Variants in CDH18 observed in about 807,000 individuals in gnomAD.
CDH18 encodes the protein cadherin-18.
CDH18 carries 31 observed loss-of-function variants against 67.9 expected under a neutral mutation model. The observed-to-expected ratio is 0.46, with a 90% CI of 0.34 to 0.62. The LOEUF (loss-of-function observed/expected upper bound fraction) is 0.62, where lower values mean the gene tolerates loss of function less well. Among genes scored for constraint, CDH18 ranks in the 20% least tolerant of loss-of-function variants. The pLI, the probability that CDH18 is intolerant of heterozygous loss-of-function variation, is 0.01. For missense variants in CDH18, 890 were observed against 975.5 expected (o/e 0.91, Z 1.17); for synonymous variants, 362 against 347.2 (o/e 1.04, Z -0.48).
intron 2 of CDH18, among the ~76,000 whole-genome samples, chr5:19,897,648 T>A (rs1440184327): frequency 6.6e-6 from 1 of 151,992 alleles, no homozygotes; most frequent in Non-Finnish European, 1.5e-5. Context: ...TTTACAATAA[T>A]CCTAAACTGA....
intron 1 of CDH18, among the ~76,000 whole-genome samples, chr5:20,512,667 T>A (rs899891056): frequency 1.3e-5 from 2 of 152,050 alleles, no homozygotes; most frequent in African/African-American, 4.8e-5. Context: ...GCAGATCACT[T>A]GAGGTTAGGA....
chr5:20,105,916 AT>A (rs796718785), intron 2 of CDH18, among the ~76,000 whole-genome samples: 226 of 151,522 alleles, frequency 1.5e-3, no homozygotes, highest in African/African-American at 5.0e-3. Context: ...GGCATTTTTA[AT>A]TTTTTTTTCC....
At chr5:20,561,232 A>G (rs1758190510) in intron 1 of CDH18, among the ~76,000 whole-genome samples, 1 of 152,114 alleles carries the variant, frequency 6.6e-6, no homozygotes, top group Non-Finnish European at 1.5e-5. Flanking sequence ...CTTACCTTGC[A>G]ATCTAGAGTC....
intron 2 of CDH18, among the ~76,000 whole-genome samples, chr5:19,886,584 GTA>G (rs1276114347): frequency 6.6e-6 from 1 of 152,094 alleles, no homozygotes; most frequent in African/African-American, 2.4e-5. Flanking sequence ...TCTCTTTTGA[GTA>G]TGTGTGTTAC....
intron 1 of CDH18, among the ~76,000 whole-genome samples, chr5:20,262,560 C>G (rs1487993094): frequency 6.6e-6 from 1 of 152,014 alleles, no homozygotes; most frequent in Non-Finnish European, 1.5e-5. Context: ...CACCTAGCCC[C>G]ATGGGGATCC....
At chr5:20,165,820 A>C (rs1176323574) in intron 2 of CDH18, among the ~76,000 whole-genome samples, 1 of 152,210 alleles carries the variant, frequency 6.6e-6, no homozygotes, top group Non-Finnish European at 1.5e-5. Context: ...TCACATAAAC[A>C]GTTGCAGTAC....
chr5:20,405,168 G>A (rs930833314), intron 1 of CDH18, among the ~76,000 whole-genome samples: 10 of 152,050 alleles, frequency 6.6e-5, no homozygotes, highest in South Asian at 2.1e-4. Flanking sequence ...GAGGCATCAC[G>A]CTACCCCACT....
intron 1 of CDH18, among the ~76,000 whole-genome samples, chr5:20,437,947 A>G (rs997777609): frequency 2.0e-5 from 3 of 151,376 alleles, no homozygotes; most frequent in Non-Finnish European, 1.5e-5. Flanking sequence ...TAAAAATTTA[A>G]AAGATGGTAG....
chr5:19,955,244 C>T (rs2150279953), intron 2 of CDH18, among the ~76,000 whole-genome samples: 1 of 152,088 alleles, frequency 6.6e-6, no homozygotes, highest in African/African-American at 2.4e-5. Context: ...CATAAATTAC[C>T]CAGTCTCGTG....
intron 2 of CDH18, among the ~76,000 whole-genome samples, chr5:20,121,904 T>A (rs1748382901): frequency 6.6e-6 from 1 of 152,162 alleles, no homozygotes; most frequent in African/African-American, 2.4e-5. Flanking sequence ...AATGTTTTGT[T>A]AAGGTCACCA....
chr5:20,067,122 T>C (rs1045832989), intron 2 of CDH18, among the ~76,000 whole-genome samples: 1 of 151,940 alleles, frequency 6.6e-6, no homozygotes, highest in Non-Finnish European at 1.5e-5. Context: ...TTATTTAACA[T>C]GTAGGGAAGG....
chr5:20,113,710 A>G (rs1747666638), intron 2 of CDH18, among the ~76,000 whole-genome samples: 1 of 152,238 alleles, frequency 6.6e-6, no homozygotes. Flanking sequence ...AATAACAGAA[A>G]TAAGAATATA....
intron 2 of CDH18, among the ~76,000 whole-genome samples, chr5:20,076,178 T>C (rs1484351779): frequency 3.3e-5 from 5 of 152,296 alleles, no homozygotes; most frequent in Admixed American, 1.3e-4. Context: ...ATATGTGTTA[T>C]ACAATGTACA....
intron 2 of CDH18, among the ~76,000 whole-genome samples, chr5:20,077,101 C>T (rs1302915458): frequency 6.6e-6 from 1 of 151,986 alleles, no homozygotes; most frequent in African/African-American, 2.4e-5. Flanking sequence ...CTCTTGTAAC[C>T]CCTACTCCAA....
At chr5:19,970,840 A>T (rs1797954002) in intron 2 of CDH18, among the ~76,000 whole-genome samples, 1 of 151,492 alleles carries the variant, frequency 6.6e-6, no homozygotes, top group Non-Finnish European at 1.5e-5. Flanking sequence ...AGAAAAAAAT[A>T]GAATTTTAGT....
intron 5 of CDH18, among the ~76,000 whole-genome samples, chr5:19,680,286 T>A (rs1352544615): frequency 6.6e-6 from 1 of 152,016 alleles, no homozygotes; most frequent in Non-Finnish European, 1.5e-5. Flanking sequence ...TCAAGATGAA[T>A]TAAATACTTA....
intron 2 of CDH18, among the ~76,000 whole-genome samples, chr5:20,009,328 A>G (rs1175905583): frequency 6.6e-6 from 1 of 152,086 alleles, no homozygotes; most frequent in Non-Finnish European, 1.5e-5. Flanking sequence ...TACATAATAC[A>G]TACATGATAG....
At chr5:19,482,851 A>AT (rs1739697723) in intron 12 of CDH18, among the ~76,000 whole-genome samples, 2 of 152,024 alleles carry the variant, frequency 1.3e-5, no homozygotes, top group Admixed American at 6.6e-5. Flanking sequence ...TTGATCTCTC[A>AT]TTTTTTGTAC....
intron 5 of CDH18, among the ~76,000 whole-genome samples, chr5:19,666,194 T>A (rs993236793): frequency 3.3e-5 from 5 of 150,832 alleles, no homozygotes; most frequent in Non-Finnish European, 7.4e-5. Context: ...CTCAGCCTCC[T>A]GACTGGCTGA....
Sources: gnomAD v4.1 joint callset for allele counts (sites outside exome capture counted in the v4.1 genomes callset) on GRCh38, gnomAD v4.1.1 for gene constraint, MANE v1.5 for transcripts, NCBI Gene and HGNC (gene_info 2026-07-23, HGNC 2026-07-21) for gene names.